The following ARHGAP18 variants were observed in gnomAD, a reference collection of about 807,000 sequenced individuals.
ARHGAP18 encodes the protein rho GTPase-activating protein 18.
In ARHGAP18, 67 loss-of-function variants were observed where a neutral mutation model predicts 86.2. The observed-to-expected ratio is 0.78, with a 90% CI of 0.64 to 0.95. ARHGAP18 has a LOEUF of 0.95. Among genes scored for constraint, ARHGAP18 ranks in the 40% least tolerant of loss-of-function variants. The pLI is 0.00. For missense variants in ARHGAP18, 691 were observed against 780.4 expected (o/e 0.89, Z 1.37); for synonymous variants, 283 against 280.4 (o/e 1.01, Z -0.09).
chr6:129,619,691 G>T (rs1789187748), intron 5 of ARHGAP18, among the ~76,000 whole-genome samples: 1 of 149,810 alleles, frequency 6.7e-6, no homozygotes, highest in East Asian at 2.0e-4. Flanking sequence ...ACAAGTAGGG[G>T]GGAGAGAAAG....
chr6:129,659,130 C>T (rs1773899239), intron 1 of ARHGAP18, among the ~76,000 whole-genome samples: 2 of 152,132 alleles, frequency 1.3e-5, no homozygotes, highest in Non-Finnish European at 2.9e-5. Flanking sequence ...TCTTTGAAAT[C>T]CTGCACATAA....
chr6:129,605,050 G>C (rs903538049), intron 10 of ARHGAP18, among the ~76,000 whole-genome samples: 7 of 152,098 alleles, frequency 4.6e-5, no homozygotes, highest in Non-Finnish European at 1.5e-5. Flanking sequence ...AGAAAAAAAT[G>C]AAGAGGGTAA....
intron 4 of ARHGAP18, among the ~76,000 whole-genome samples, chr6:129,632,847 G>T (rs1437980168): frequency 2.0e-5 from 3 of 152,212 alleles, no homozygotes; most frequent in Middle Eastern, 3.4e-3. Context: ...AGTAATGTAG[G>T]ATTTTTATAG....
At chr6:129,616,419 C>T in intron 6 of ARHGAP18, 116 bp from the exon 7 acceptor site, 1 of 770,162 alleles carries the variant, frequency 1.3e-6, no homozygotes. Flanking sequence ...TATTTAGCAA[C>T]TACTAAGTGA....
At chr6:129,680,465 C>G (rs1352178743) in intron 1 of ARHGAP18, among the ~76,000 whole-genome samples, 3 of 152,166 alleles carry the variant, frequency 2.0e-5, no homozygotes, top group Non-Finnish European at 2.9e-5. Context: ...TTTTCTCCCC[C>G]TCTCCTTCCT....
chr6:129,683,634 C>A (rs2114539434), intron 1 of ARHGAP18, among the ~76,000 whole-genome samples: 1 of 152,118 alleles, frequency 6.6e-6, no homozygotes, highest in East Asian at 1.9e-4. Context: ...AAGAAAAAAG[C>A]CCTGATGAGT....
rs1562697029 is a variant in ARHGAP18 at position 129,625,357 on chromosome 6, T to TTATATATATTTA, written c.786+3995_786+3996insTAAATATATATA. ...GATATATATTTATATGTAATATATATTATGTATATTTATATATATTATATA... is the reference window on the plus strand; with the variant it reads ...GATATATATTTATATGTAATATATATTATATATATTTATATGTATATTTATATATATTATATA... On this transcript the variant is annotated intron_variant, in intron 5 of 14. Transcript: ENST00000368149. 1.3e-4 allele frequency among the ~76,000 whole-genome samples: 9 copies of TTATATATATTTA among 68,072 alleles called. 1 individual carries two copies. Among genetic ancestry groups the TTATATATATTTA allele is most frequent in the Non-Finnish European group, 1.8e-4 (8 of 44,448 alleles). 44.7% of individuals were successfully genotyped at this position (68,072 alleles called of 152,430 possible). A position where few individuals can be genotyped will look rare whatever the true frequency, so the allele number is the denominator to read the frequency against.
chr6:129,690,608 A>C (rs1476970186), intron 1 of ARHGAP18, among the ~76,000 whole-genome samples: 2 of 152,216 alleles, frequency 1.3e-5, no homozygotes, highest in Non-Finnish European at 2.9e-5. Flanking sequence ...TAAAATATTA[A>C]ATACTATAAA....
At chr6:129,588,095 G>A (rs558402966) in intron 12 of ARHGAP18, among the ~76,000 whole-genome samples, 12 of 150,936 alleles carry the variant, frequency 8.0e-5, no homozygotes, top group South Asian at 6.3e-4. Context: ...ACACAAGTCC[G>A]AAATCCAACA....
At chr6:129,655,632 A>G (rs532061931) in intron 1 of ARHGAP18, among the ~76,000 whole-genome samples, 1 of 149,816 alleles carries the variant, frequency 6.7e-6, no homozygotes, top group East Asian at 2.0e-4. Context: ...TTGAGGGCCA[A>G]TTGTTAAAGG....
At position 129,585,772 on chromosome 6, in the gene ARHGAP18, T is replaced by C. The variant is rs6909205; in HGVS notation, c.1714-1660A>G. Among the ~76,000 whole-genome samples, 947 of 152,352 alleles carry C rather than the reference T, an allele frequency of 6.2e-3. 10 individuals carry two copies. The highest frequency in any genetic ancestry group is 0.022 in the African/African-American group (908 of 41,578). On this transcript the variant is annotated intron_variant, in intron 12 of 14. Coordinates refer to ENST00000368149, the MANE Select transcript of ARHGAP18 (RefSeq NM_033515.3). ...GGTCATAGCATCCTCCTCTACCTTC[T>C]GTTGCAGGACATATTATGCTCAATT...
At chr6:129,666,450 C>T (rs766036466) in intron 1 of ARHGAP18, among the ~76,000 whole-genome samples, 1 of 152,222 alleles carries the variant, frequency 6.6e-6, no homozygotes, top group Non-Finnish European at 1.5e-5. Context: ...TGAGTTGGCC[C>T]TCTGTTTCTG....
intron 1 of ARHGAP18, among the ~76,000 whole-genome samples, chr6:129,698,549 T>G (rs7748314): frequency 0.21 from 29,178 of 139,382 alleles, 3,095 homozygotes; most frequent in South Asian, 0.31. Flanking sequence ...TTTTTTTTTT[T>G]GGGTTGGGAG....
chr6:129,602,764 G>A (rs1788773808), intron 10 of ARHGAP18, among the ~76,000 whole-genome samples: 1 of 152,038 alleles, frequency 6.6e-6, no homozygotes, highest in Admixed American at 6.6e-5. Context: ...CAGAATAATT[G>A]TTCAGGGACC....
Position 129,580,085 on chromosome 6 carries a change from T to C in ARHGAP18, c.1885A>G (p.Ile629Val). The change falls in exon 14 of 15, where the codon ATT (isoleucine) becomes GTT (valine). Residue 629 changes from isoleucine to valine, a missense_variant. Transcript: ENST00000368149. Reference protein sequence around the residue: ...LKKGEVFLYEIGGNIGERCLD... With the variant: ...LKKGEVFLYEVGGNIGERCLD... The stretch of plus-strand genomic sequence containing the variant: ...AAGTGCTTACCAATATTTCCTCCAA[T>C]TTCATACAAAAAAACTTCTCCTTTC... 2 of 1,613,508 alleles carry C rather than the reference T, an allele frequency of 1.2e-6. No homozygotes were observed. The highest frequency in any genetic ancestry group is 1.7e-6 in the Non-Finnish European group (2 of 1,179,608).
At position 129,635,154 on chromosome 6, in the gene ARHGAP18, A is replaced by C. The variant is rs187136611; in HGVS notation, c.553-1049T>G. On this transcript the variant is annotated intron_variant, in intron 3 of 14. Coordinates refer to ENST00000368149, the MANE Select transcript of ARHGAP18 (RefSeq NM_033515.3). ...AGGAAGAAGAGTCTGGATCAACCAC[A>C]GAAAGAGGTCTATTCAAATTATTTT... 2.0e-5 allele frequency among the ~76,000 whole-genome samples: 3 copies of C among 152,336 alleles called. No individual in the cohort carries two copies. The East Asian group carries it at 5.8e-4, about 29-fold the overall frequency.
intron 1 of ARHGAP18, among the ~76,000 whole-genome samples, chr6:129,682,799 G>A (rs1304961961): frequency 6.6e-6 from 1 of 152,170 alleles, no homozygotes; most frequent in African/African-American, 2.4e-5. Flanking sequence ...ACACAGCTGA[G>A]AATAAACAAG....
intron 1 of ARHGAP18, among the ~76,000 whole-genome samples, chr6:129,705,795 TA>T (rs1774793373): frequency 6.6e-6 from 1 of 152,196 alleles, no homozygotes; most frequent in African/African-American, 2.4e-5. Flanking sequence ...TCAGTTGTCT[TA>T]ATCAGGTGAG....
intron 1 of ARHGAP18, among the ~76,000 whole-genome samples, chr6:129,691,515 A>G (rs554942539): frequency 1.3e-5 from 2 of 152,362 alleles, no homozygotes; most frequent in African/African-American, 4.8e-5. Context: ...TCAGGTAGAA[A>G]TTTGAAGAGT....
Sources: gnomAD v4.1 joint callset for allele counts (sites outside exome capture counted in the v4.1 genomes callset) on GRCh38, gnomAD v4.1.1 for gene constraint, MANE v1.5 for transcripts, NCBI Gene and HGNC (gene_info 2026-07-23, HGNC 2026-07-21) for gene names.